Variants in ZBBX observed in about 807,000 individuals in gnomAD.
The protein encoded by ZBBX is zinc finger B-box domain containing.
Under a neutral mutation model 108.5 loss-of-function variants are expected in ZBBX, and 101 were observed. The observed-to-expected ratio is 0.93, with a 90% CI of 0.79 to 1.10. ZBBX has a LOEUF of 1.10. Among genes scored for constraint, ZBBX ranks in the 50% least tolerant of loss-of-function variants. The pLI, the probability that ZBBX is intolerant of heterozygous loss-of-function variation, is 0.00. For missense variants in ZBBX, 1,009 were observed against 941.4 expected, an observed-to-expected ratio of 1.07 and a Z score of -0.94; for synonymous variants, 356 against 323.4, an observed-to-expected ratio of 1.10 and a Z score of -1.08.
intron 1 of ZBBX, among the ~76,000 whole-genome samples, chr3:167,385,645 T>C (rs771301521): frequency 3.3e-5 from 5 of 152,004 alleles, no homozygotes; most frequent in Non-Finnish European, 7.4e-5. Context: ...TATATACTTA[T>C]CTATAAGCCT....
intron 10 of ZBBX, chr3:167,331,710 C>A: frequency 1.4e-6 from 1 of 701,706 alleles, no homozygotes; most frequent in Non-Finnish European, 1.8e-6. Flanking sequence ...TTTGAAGACG[C>A]ACATAGAAAT....
chr3:167,368,095 A>G (rs2108578479), intron 5 of ZBBX, among the ~76,000 whole-genome samples: 1 of 150,796 alleles, frequency 6.6e-6, no homozygotes, highest in African/African-American at 2.4e-5. Context: ...TCTAAACATA[A>G]ACTGGTGTTT....
intron 8 of ZBBX, among the ~76,000 whole-genome samples, chr3:167,356,990 G>T (rs1158333273): frequency 6.6e-6 from 1 of 152,078 alleles, no homozygotes; most frequent in Non-Finnish European, 1.5e-5. Context: ...GCTTAATTTT[G>T]AACACATTAA....
At chr3:167,342,317 C>A (rs576681320) in intron 9 of ZBBX, among the ~76,000 whole-genome samples, 1 of 151,728 alleles carries the variant, frequency 6.6e-6, no homozygotes, top group East Asian at 1.9e-4. Flanking sequence ...ACATGATTGA[C>A]TAAAGGTTCA....
intron 13 of ZBBX, 43 bp from the exon 14 acceptor site, chr3:167,317,148 C>G (rs1468259008): frequency 7.7e-7 from 1 of 1,296,928 alleles, no homozygotes; most frequent in Non-Finnish European, 1.1e-6. Flanking sequence ...AAGAATATAT[C>G]TTACTTTATA....
Position 167,283,002 on chromosome 3 carries a change from T to C in ZBBX, c.1997-507A>G, listed in dbSNP as rs576488357. Among the ~76,000 whole-genome samples the C allele has an allele frequency of 4.5e-3, 690 of 152,294 alleles. 5 individuals are homozygous for C. Among genetic ancestry groups the C allele is most frequent in the African/African-American group, 0.016 (665 of 41,576 alleles). On this transcript the variant is annotated intron_variant, in intron 19 of 21. Coordinates refer to ENST00000675490, the MANE Select transcript of ZBBX (RefSeq NM_001199201.2). ...AATATGGCAACAAAAGAGACTAATT[T>C]ACAAAATCTATATGAATATTTGGAA... is the stretch of plus-strand genomic sequence containing the variant.
At chr3:167,372,188 G>T (rs1199275794) in intron 4 of ZBBX, among the ~76,000 whole-genome samples, 1 of 151,606 alleles carries the variant, frequency 6.6e-6, no homozygotes, top group Non-Finnish European at 1.5e-5. Context: ...TCCAGCCTGG[G>T]TGAGGGAGCA....
intron 20 of ZBBX, among the ~76,000 whole-genome samples, chr3:167,246,050 A>G (rs964004594): frequency 6.6e-6 from 1 of 152,184 alleles, no homozygotes; most frequent in Non-Finnish European, 1.5e-5. Flanking sequence ...TGCATTGCCC[A>G]GAGCCTCAGT....
the ZBBX span, among the ~76,000 whole-genome samples, chr3:167,179,681 GC>G: frequency 0.013 from 2,028 of 152,250 alleles, 22 homozygotes; most frequent in South Asian, 0.026. Flanking sequence ...TACAAGCTCC[GC>G]TTTTTGAGCT....
At chr3:167,181,961 G>T in the ZBBX span, among the ~76,000 whole-genome samples, 1 of 152,176 alleles carries the variant, frequency 6.6e-6, no homozygotes, top group Admixed American at 6.6e-5. Flanking sequence ...TGGGGGGCAG[G>T]CCTGGGACGG....
intron 10 of ZBBX, among the ~76,000 whole-genome samples, chr3:167,330,082 T>C (rs1287841560): frequency 6.6e-6 from 1 of 152,200 alleles, no homozygotes; most frequent in Non-Finnish European, 1.5e-5. Flanking sequence ...TAAATGCTGA[T>C]CAGTGGAAGA....
intron 20 of ZBBX, among the ~76,000 whole-genome samples, chr3:167,256,618 A>G (rs956827418): frequency 2.2e-5 from 1 of 45,446 alleles, no homozygotes; most frequent in African/African-American, 8.4e-5. Flanking sequence ...ACCCCACCCC[A>G]CCCCACTACC....
chr3:167,316,054 CAAT>C (rs952407427), intron 14 of ZBBX, among the ~76,000 whole-genome samples: 5 of 152,032 alleles, frequency 3.3e-5, no homozygotes, highest in Non-Finnish European at 7.4e-5. Context: ...CCCAATCCAA[CAAT>C]AATAACTTAT....
intron 20 of ZBBX, among the ~76,000 whole-genome samples, chr3:167,267,161 C>A (rs1725669121): frequency 6.6e-6 from 1 of 152,240 alleles, no homozygotes. Flanking sequence ...ACGGTCACCT[C>A]ATATGGCTTA....
Position 167,311,717 on chromosome 3 carries a change from CA to C in ZBBX, c.1417+2256del, listed in dbSNP as rs142174221. Among the ~76,000 whole-genome samples, 272 of 146,712 alleles carry C rather than the reference CA, an allele frequency of 1.9e-3. 1 individual carries two copies. Among genetic ancestry groups the C allele is most frequent in the Middle Eastern group, 3.5e-3 (1 of 282 alleles). Reference sequence around the variant, plus strand: ...CATATGTCAACAGAGAATTGCAAATCAAAAAAAAAATGAAATATCACTACAC... The same window carrying C: ...CATATGTCAACAGAGAATTGCAAATCAAAAAAAAATGAAATATCACTACAC... On this transcript the variant is annotated intron_variant, in intron 16 of 21. Transcript: ENST00000675490.
chr3:167,217,630 A>G, the ZBBX span, among the ~76,000 whole-genome samples: 6 of 152,198 alleles, frequency 3.9e-5, no homozygotes, highest in African/African-American at 1.4e-4. Flanking sequence ...CCAGAGGAAT[A>G]TAAAGCATTA....
At chr3:167,346,317 C>T (rs1460076839) in intron 9 of ZBBX, among the ~76,000 whole-genome samples, 8 of 151,732 alleles carry the variant, frequency 5.3e-5, no homozygotes, top group Non-Finnish European at 1.0e-4. Context: ...CTGCCAAGTA[C>T]AAATCAATCA....
At chr3:167,350,548 C>G in intron 8 of ZBBX, 33 bp from the exon 9 acceptor site, 1 of 1,418,134 alleles carries the variant, frequency 7.1e-7, no homozygotes, top group Non-Finnish European at 9.6e-7. Context: ...ATTATACAAT[C>G]TTATAAAATA....
chr3:167,396,981 A>T (rs147064930), intron 1 of ZBBX, among the ~76,000 whole-genome samples: 1 of 151,698 alleles, frequency 6.6e-6, no homozygotes, highest in Non-Finnish European at 1.5e-5. Flanking sequence ...ACCAGGGAGT[A>T]ATGCCCAATG....
Sources: gnomAD v4.1 joint callset for allele counts (sites outside exome capture counted in the v4.1 genomes callset) on GRCh38, gnomAD v4.1.1 for gene constraint, MANE v1.5 for transcripts, NCBI Gene and HGNC (gene_info 2026-07-23, HGNC 2026-07-21) for gene names.